The following ZMYM4 variants were observed in gnomAD, a reference collection of about 807,000 sequenced individuals.
ZMYM4 encodes the protein zinc finger MYM-type protein 4.
ZMYM4 carries 31 observed loss-of-function variants against 183.2 expected under a neutral mutation model. The ratio of observed to expected loss-of-function variants is 0.17; its 90% CI spans 0.13 to 0.23. The LOEUF is 0.23. Ranked by LOEUF, ZMYM4 falls within the 10% of genes least tolerant of loss-of-function variation. The pLI is 1.00. For synonymous variants in ZMYM4, 592 were observed against 631.2 expected, an observed-to-expected ratio of 0.94 and a Z score of 0.93; for missense variants, 1,273 against 1,840.3, an observed-to-expected ratio of 0.69 and a Z score of 5.64.
chr1:35,311,779 T>C (rs1641812888), intron 1 of ZMYM4, among the ~76,000 whole-genome samples: 2 of 152,242 alleles, frequency 1.3e-5, no homozygotes, highest in Non-Finnish European at 2.9e-5. Context: ...AGTCTATATA[T>C]AGAAATAGTT....
In ZMYM4 at chr1:35,405,457, C is replaced by T; in HGVS notation, c.3785C>T (p.Pro1262Leu). ...DHALSQESSEPGCRVRSIKLK... is the reference protein window; with the variant it reads ...DHALSQESSELGCRVRSIKLK... The stretch of plus-strand genomic sequence containing the variant: ...GCACTCTCTCAAGAATCCTCAGAGC[C>T]AGGCTGTAGAGGTAAAATTTGTTTC... Residue 1262 changes from proline to leucine, a missense_variant, in exon 25 of 30, where the codon CCA (proline) becomes CTA (leucine). Transcript: ENST00000314607. 6.2e-7 allele frequency: 1 copy of T among 1,604,596 alleles called. No individual in the cohort carries two copies.
chr1:35,335,115 T>C (rs1214700319), intron 2 of ZMYM4, among the ~76,000 whole-genome samples: 2 of 152,224 alleles, frequency 1.3e-5, no homozygotes, highest in African/African-American at 4.8e-5. Flanking sequence ...TCCTGAATTT[T>C]GTGTTTATTT....
In ZMYM4 at chr1:35,356,181, G is replaced by A. The variant is rs572068855; in HGVS notation, c.86-2744G>A. Among the ~76,000 whole-genome samples the A allele has an allele frequency of 2.4e-4, 37 of 152,320 alleles. No homozygotes were observed. In the South Asian group the frequency reaches 7.5e-3, roughly 31 times the overall value. ...GCTGAGATCATGCCACTGCACGCCAGCCTGGGTGACAGAGCCAGATCCTGT... is the reference window on the plus strand; with the variant it reads ...GCTGAGATCATGCCACTGCACGCCAACCTGGGTGACAGAGCCAGATCCTGT... On this transcript the variant is annotated intron_variant, in intron 2 of 29. Transcript: ENST00000314607.
intron 2 of ZMYM4, among the ~76,000 whole-genome samples, chr1:35,342,017 A>G (rs1643217841): frequency 6.6e-6 from 1 of 152,136 alleles, no homozygotes; most frequent in Admixed American, 6.5e-5. Context: ...AATCACTGAA[A>G]TCATCTGGAC....
At chr1:35,406,866 A>G (rs1645011403) in intron 25 of ZMYM4, among the ~76,000 whole-genome samples, 2 of 152,178 alleles carry the variant, frequency 1.3e-5, no homozygotes. Context: ...GTGGATCAAC[A>G]TGTTGTAGTA....
In ZMYM4 at chr1:35,405,037, T is replaced by A. The variant is rs985590980; in HGVS notation, c.3543T>A (p.Ser1181=). 23 of 1,610,602 alleles carry A rather than the reference T, an allele frequency of 1.4e-5. No individual in the cohort carries two copies. The African/African-American group carries it at 3.1e-4, about 22-fold the overall frequency. ...PQPRRRGRKK[S]IVAVEPRSLI... ...AATTCTTACAGGGACGGAAGAAGTC[T>A]ATAGTGGCTGTGGAGCCCAGGAGTC... Residue 1181 remains serine (S), a synonymous_variant, in exon 24 of 30, where the codon TCT becomes TCA. Coordinates refer to ENST00000314607, the MANE Select transcript of ZMYM4 (RefSeq NM_005095.3).
chr1:35,371,112 C>CATTT (rs1260189525), intron 7 of ZMYM4, among the ~76,000 whole-genome samples: 4 of 116,408 alleles, frequency 3.4e-5, no homozygotes, highest in South Asian at 2.8e-4. Flanking sequence ...TGTGTGCGCA[C>CATTT]ATTTATTTAT....
chr1:35,407,898 G>C, intron 25 of ZMYM4, 110 bp from the exon 26 acceptor site: 1 of 1,372,954 alleles, frequency 7.3e-7, no homozygotes, highest in Non-Finnish European at 1.0e-6. Context: ...ATACCCACTA[G>C]TCTGCACCGC....
intron 7 of ZMYM4, among the ~76,000 whole-genome samples, chr1:35,378,337 T>C (rs1165576965): frequency 2.0e-5 from 3 of 152,208 alleles, no homozygotes; most frequent in Non-Finnish European, 4.4e-5. Flanking sequence ...GTGAATCCTT[T>C]CCAGAAGCTT....
At chr1:35,405,730 G>C (rs537307386) in intron 25 of ZMYM4, among the ~76,000 whole-genome samples, 2 of 149,780 alleles carry the variant, frequency 1.3e-5, no homozygotes, top group Non-Finnish European at 3.0e-5. Flanking sequence ...TGAGCCCTGC[G>C]TCTGTATAGT....
rs530072843 is a variant in ZMYM4, at chr1:35,273,557, A to G, written c.39+4472A>G. On this transcript the variant is annotated intron_variant, in intron 1 of 29. Coordinates refer to ENST00000314607, the MANE Select transcript of ZMYM4 (RefSeq NM_005095.3). The stretch of plus-strand genomic sequence containing the variant: ...ATGTAAATATTACCCGGTCTAGTAA[A>G]TTGTATTCATTTTCATACTTAAAAT... 3.2e-4 allele frequency among the ~76,000 whole-genome samples: 49 copies of G among 152,316 alleles called. 1 individual carries two copies. The highest frequency in any genetic ancestry group is 1.2e-3 in the African/African-American group (49 of 41,574).
intron 1 of ZMYM4, 58 bp downstream of exon 1, chr1:35,269,143 G>C: frequency 6.5e-7 from 1 of 1,540,440 alleles, no homozygotes; most frequent in African/African-American, 1.4e-5. Flanking sequence ...CCGGGGCCGG[G>C]AATGGGCCAT....
At chr1:35,392,103 A>C (rs1644718078) in intron 15 of ZMYM4, 109 bp from the exon 16 acceptor site, 1 of 1,445,288 alleles carries the variant, frequency 6.9e-7, no homozygotes, top group Non-Finnish European at 9.5e-7. Context: ...TTTTTGCTCC[A>C]ACAGAAATTA....
chr1:35,314,981 C>T (rs1002378912), intron 1 of ZMYM4, among the ~76,000 whole-genome samples: 5 of 151,094 alleles, frequency 3.3e-5, no homozygotes, highest in South Asian at 4.2e-4. Context: ...GCCGAGATCA[C>T]GCCATTGTAC....
At chr1:35,348,164 A>G (rs1185680624) in intron 2 of ZMYM4, among the ~76,000 whole-genome samples, 2 of 152,260 alleles carry the variant, frequency 1.3e-5, no homozygotes, top group Non-Finnish European at 2.9e-5. Flanking sequence ...CATAATTTTT[A>G]AAGCCTTAGT....
At chr1:35,334,952 A>G (rs1000369954) in intron 2 of ZMYM4, among the ~76,000 whole-genome samples, 1 of 152,224 alleles carries the variant, frequency 6.6e-6, no homozygotes, top group Non-Finnish European at 1.5e-5. Flanking sequence ...AAAACTTTTT[A>G]TAAATTATTA....
At chr1:35,340,148 T>G (rs376607977) in intron 2 of ZMYM4, among the ~76,000 whole-genome samples, 1 of 152,330 alleles carries the variant, frequency 6.6e-6, no homozygotes, top group East Asian at 1.9e-4. Flanking sequence ...GGGAATTTTA[T>G]TTAATTATCA....
At chr1:35,415,829 C>T (rs1390857692) in intron 28 of ZMYM4, 115 bp downstream of exon 28, 1 of 1,345,786 alleles carries the variant, frequency 7.4e-7, no homozygotes, top group African/African-American at 1.5e-5. Context: ...GTACCTTTAA[C>T]ATTTGAATAT....
chr1:35,381,647 T>C lies in ZMYM4; in HGVS notation c.1458T>C (p.Cys486=). Residue 486 remains cysteine (C), a synonymous_variant, in exon 9 of 30, where the codon TGT becomes TGC. Coordinates refer to ENST00000314607, the MANE Select transcript of ZMYM4 (RefSeq NM_005095.3). ...CTAACAACCTCACCATGAACTGTTG[T>C]GAGAACTGTGGGGGTTACTGTTACA... ...RSANNLTMNC[C]ENCGGYCYSG... 6.2e-7 allele frequency: 1 copy of C among 1,614,230 alleles called. No individual in the cohort carries two copies. The highest frequency in any genetic ancestry group is 1.1e-5 in the South Asian group (1 of 91,092).
Sources: gnomAD v4.1 joint callset for allele counts (sites outside exome capture counted in the v4.1 genomes callset) on GRCh38, gnomAD v4.1.1 for gene constraint, MANE v1.5 for transcripts, NCBI Gene and HGNC (gene_info 2026-07-23, HGNC 2026-07-21) for gene names.